Variants in PIK3R1 observed in about 807,000 individuals in gnomAD.
PIK3R1 encodes phosphoinositide-3-kinase regulatory subunit 1.
Under a neutral mutation model 98.0 loss-of-function variants are expected in PIK3R1, and 29 were observed. The ratio of observed to expected loss-of-function variants is 0.30; its 90% CI spans 0.22 to 0.40. The LOEUF is 0.40. Ranked by LOEUF, PIK3R1 falls within the 10% of genes least tolerant of loss-of-function variation. The pLI, the probability that PIK3R1 is intolerant of heterozygous loss-of-function variation, is 1.00. For synonymous variants in PIK3R1, 282 were observed against 311.8 expected, an observed-to-expected ratio of 0.90 and a Z score of 1.01; for missense variants, 596 against 872.7, an observed-to-expected ratio of 0.68 and a Z score of 3.99.
At chr5:68,253,090 T>C (rs941790706) in intron 2 of PIK3R1, among the ~76,000 whole-genome samples, 1 of 152,250 alleles carries the variant, frequency 6.6e-6, no homozygotes, top group Admixed American at 6.5e-5. Flanking sequence ...GTTGCATTTT[T>C]ATTTTCTCCC....
chr5:68,262,794 T>G lies in PIK3R1; in HGVS notation c.335-10596T>G, dbSNP rs1323361476. On this transcript the variant is annotated intron_variant, in intron 2 of 15. Transcript: ENST00000521381. ...ATGTAGATGCATGTAGATACATGTATACGTAGATACATGTATACATGTAGA... is the reference window on the plus strand; with the variant it reads ...ATGTAGATGCATGTAGATACATGTAGACGTAGATACATGTATACATGTAGA... Among the ~76,000 whole-genome samples, 3 of 4,708 alleles carry G rather than the reference T, an allele frequency of 6.4e-4. 1 individual carries two copies. The highest frequency in any genetic ancestry group is 8.0e-4 in the Non-Finnish European group (2 of 2,498). The allele number at this position is 4,708 out of a possible 152,430, so 3.1% of individuals were successfully genotyped here.
chr5:68,262,403 T>TACACAC (rs137933097), intron 2 of PIK3R1, among the ~76,000 whole-genome samples: 8 of 140,596 alleles, frequency 5.7e-5, no homozygotes, highest in South Asian at 2.2e-4. Context: ...TATATATATA[T>TACACAC]ACACACACGC....
In PIK3R1 at chr5:68,291,015, G is replaced by C. The variant is rs1747359559; in HGVS notation, c.917-1244G>C. On this transcript the variant is annotated intron_variant, in intron 7 of 15. Coordinates refer to ENST00000521381, the MANE Select transcript of PIK3R1 (RefSeq NM_181523.3). ...GTTTGACTGTCTGTGGAAGCAAGCA[G>C]CTCAGGCTGTGTGTGGTAAATGCTT... is the stretch of plus-strand genomic sequence containing the variant. The C allele has an allele frequency of 7.8e-6, 4 of 515,474 alleles. No individual in the cohort carries two copies. In the Admixed American group the frequency reaches 1.1e-4, roughly 14 times the overall value. 31.9% of individuals were successfully genotyped at this position (515,474 alleles called of 1,614,324 possible).
At chr5:68,235,401 AAAATAAATAAATAAAT>A (rs145734363) in intron 2 of PIK3R1, among the ~76,000 whole-genome samples, 2,225 of 145,396 alleles carry the variant, frequency 0.015, 53 homozygotes, top group African/African-American at 0.048. Flanking sequence ...AAAGTGTCTC[AAAATAAATAAATAAAT>A]AAATAAATAA....
Position 68,295,274 on chromosome 5 carries a change from C to T in PIK3R1, c.1695C>T (p.Ser565=), listed in dbSNP as rs1424933602. ...EYREIDKRMN[S]IKPDLIQLRK... is the part of the protein sequence containing the mutation. Reference sequence around the variant, plus strand: ...GAGAAATTGACAAACGTATGAACAGCATTAAACCAGACCTTATCCAGCTGA... The same window carrying T: ...GAGAAATTGACAAACGTATGAACAGTATTAAACCAGACCTTATCCAGCTGA... Residue 565 remains serine (S), a synonymous_variant, in exon 13 of 16, where the codon AGC becomes AGT. Transcript: ENST00000521381. 2.5e-6 allele frequency: 4 copies of T among 1,614,132 alleles called. No homozygotes were observed. Among genetic ancestry groups the T allele is most frequent in the African/African-American group, 1.3e-5 (1 of 75,036 alleles).
At chr5:68,270,179 G>A (rs1055861231) in intron 2 of PIK3R1, among the ~76,000 whole-genome samples, 2 of 152,130 alleles carry the variant, frequency 1.3e-5, no homozygotes, top group Non-Finnish European at 2.9e-5. Flanking sequence ...ACCTGAATGA[G>A]TAATGTGTAA....
chr5:68,282,455 G>T (rs532228151), intron 7 of PIK3R1, among the ~76,000 whole-genome samples: 2 of 152,294 alleles, frequency 1.3e-5, no homozygotes, highest in East Asian at 3.9e-4. Flanking sequence ...CTCCTCTAGA[G>T]AGAGGAGACA....
chr5:68,248,140 C>G (rs965892577), intron 2 of PIK3R1, among the ~76,000 whole-genome samples: 1 of 151,954 alleles, frequency 6.6e-6, no homozygotes, highest in Non-Finnish European at 1.5e-5. Context: ...CCACTAAGCC[C>G]GGCTAATTTT....
chr5:68,251,904 G>T (rs1745324147), intron 2 of PIK3R1, among the ~76,000 whole-genome samples: 2 of 152,132 alleles, frequency 1.3e-5, no homozygotes, highest in African/African-American at 4.8e-5. Flanking sequence ...AGCCTTGGCT[G>T]TGTGCAGGAG....
At position 68,226,773 on chromosome 5, in the gene PIK3R1, A is replaced by G; in HGVS notation, c.98A>G (p.Asn33Ser). 6.2e-7 allele frequency: 1 copy of G among 1,614,192 alleles called. No homozygotes were observed. Among genetic ancestry groups the G allele is most frequent in the Non-Finnish European group, 8.5e-7 (1 of 1,180,014 alleles). The change falls in exon 2 of 16, where the codon AAT (asparagine) becomes AGT (serine). Residue 33 changes from asparagine (N) to serine (S), a missense_variant. Transcript: ENST00000521381. ...CACTTGGGTGACATATTGACTGTGA[A>G]TAAAGGGTCCTTAGTAGCTCTTGGA... is the stretch of plus-strand genomic sequence containing the variant. Reference protein sequence around the residue: ...DLHLGDILTVNKGSLVALGFS... With the variant: ...DLHLGDILTVSKGSLVALGFS...
At chr5:68,245,574 G>A (rs1314679434) in intron 2 of PIK3R1, among the ~76,000 whole-genome samples, 1 of 152,230 alleles carries the variant, frequency 6.6e-6, no homozygotes, top group East Asian at 1.9e-4. Context: ...ACCTAAAGAC[G>A]GTAACATACT....
At chr5:68,242,313 T>C (rs751050346) in intron 2 of PIK3R1, among the ~76,000 whole-genome samples, 19 of 152,258 alleles carry the variant, frequency 1.2e-4, no homozygotes, top group Non-Finnish European at 2.4e-4. Flanking sequence ...AAGTTTTTCA[T>C]GTGGCCTCAA....
intron 2 of PIK3R1, among the ~76,000 whole-genome samples, chr5:68,244,120 C>T (rs779390576): frequency 4.6e-5 from 7 of 152,136 alleles, no homozygotes; most frequent in Non-Finnish European, 8.8e-5. Context: ...ACCAGCCATC[C>T]TTGGTGACTT....
chr5:68,249,228 C>G (rs191305522), intron 2 of PIK3R1, among the ~76,000 whole-genome samples: 15 of 152,270 alleles, frequency 9.9e-5, no homozygotes, highest in Admixed American at 9.8e-4. Context: ...ATTTAAAATT[C>G]AGAGTCATTT....
intron 7 of PIK3R1, among the ~76,000 whole-genome samples, chr5:68,281,261 C>T (rs1280578069): frequency 2.0e-5 from 3 of 152,152 alleles, no homozygotes; most frequent in Non-Finnish European, 4.4e-5. Context: ...CTGTACCCTT[C>T]AACATTTATG....
chr5:68,258,221 A>T (rs148001704), intron 2 of PIK3R1, among the ~76,000 whole-genome samples: 10 of 152,328 alleles, frequency 6.6e-5, no homozygotes, highest in East Asian at 5.8e-4. Context: ...CTACCTTTTT[A>T]GTAGGAGTTT....
At chr5:68,235,441 TA>T (rs1240139185) in intron 2 of PIK3R1, among the ~76,000 whole-genome samples, 1 of 150,930 alleles carries the variant, frequency 6.6e-6, no homozygotes, top group Non-Finnish European at 1.5e-5. Flanking sequence ...AATAAATAAA[TA>T]AATAATTTTC....
chr5:68,255,174 A>G (rs1385426925), intron 2 of PIK3R1, among the ~76,000 whole-genome samples: 2 of 152,248 alleles, frequency 1.3e-5, no homozygotes, highest in Non-Finnish European at 2.9e-5. Context: ...AAAATGACCA[A>G]AGGAGAATTG....
intron 4 of PIK3R1, among the ~76,000 whole-genome samples, chr5:68,277,997 G>GCT (rs1746652255): frequency 6.6e-6 from 1 of 152,070 alleles, no homozygotes; most frequent in South Asian, 2.1e-4. Flanking sequence ...CCTTCGCATT[G>GCT]CTAGTGTACA....
Sources: gnomAD v4.1 joint callset for allele counts (sites outside exome capture counted in the v4.1 genomes callset) on GRCh38, gnomAD v4.1.1 for gene constraint, MANE v1.5 for transcripts, NCBI Gene and HGNC (gene_info 2026-07-23, HGNC 2026-07-21) for gene names.